AKAP3: variants seen among roughly 807,000 people sequenced by gnomAD.
AKAP3 encodes the protein A-kinase anchor protein 3.
Under a neutral mutation model 57.2 loss-of-function variants are expected in AKAP3, and 27 were observed. That is an observed-to-expected ratio of 0.47 (90% CI 0.35 to 0.65). The LOEUF (loss-of-function observed/expected upper bound fraction) is 0.65, where lower values mean the gene tolerates loss of function less well. Among genes scored for constraint, AKAP3 ranks in the 30% least tolerant of loss-of-function variants. The pLI is 0.01. For missense variants in AKAP3, 959 were observed against 1,040.0 expected (o/e 0.92, Z 1.07); for synonymous variants, 334 against 392.3 (o/e 0.85, Z 1.76).
rs911712466 is a variant in AKAP3 at position 4,628,591 on chromosome 12, T to C, written c.311A>G (p.Lys104Arg). The C allele has an allele frequency of 1.2e-6, 2 of 1,614,230 alleles. No individual in the cohort carries two copies. The highest frequency in any genetic ancestry group is 1.3e-5 in the African/African-American group (1 of 75,070). Residue 104 changes from lysine to arginine, a missense_variant, in exon 5 of 6, where the codon AAA becomes AGA. By Grantham distance (26) the Lys-to-Arg change is conservative. Coordinates refer to ENST00000228850, the MANE Select transcript of AKAP3 (RefSeq NM_001278309.2). ...CCTGGGGCCCTGGCAAGGAATCTCT[T>C]TGTGAGTCATCTCAAAATGCAATCT... is the stretch of plus-strand genomic sequence containing the variant. ...PERLHFEMTH[K>R]EIPCQGPRAQ...
rs3083727 is a variant in AKAP3 at position 4,617,751 on chromosome 12, C to CAAAA, written c.2407-1861_2407-1858dup. Among the ~76,000 whole-genome samples the CAAAA allele has an allele frequency of 2.2e-3, 260 of 118,412 alleles. 2 individuals carry two copies. The highest frequency in any genetic ancestry group is 5.8e-3 in the Admixed American group (66 of 11,424). 77.7% of individuals were successfully genotyped at this position (118,412 alleles called of 152,430 possible). ...TGAGCAACAGAGTGAGATTCTGTCTCAAAAAAAAAAAAAAAAAGTGTTTTA... is the reference window on the plus strand; with the variant it reads ...TGAGCAACAGAGTGAGATTCTGTCTCAAAAAAAAAAAAAAAAAAAAAGTGTTTTA... On this transcript the variant is annotated intron_variant, in intron 5 of 5. Coordinates refer to ENST00000228850, the MANE Select transcript of AKAP3 (RefSeq NM_001278309.2).
In AKAP3 at chr12:4,626,706, A is replaced by C; in HGVS notation, c.2196T>G (p.Asn732Lys). 2 of 1,614,004 alleles carry C rather than the reference A, an allele frequency of 1.2e-6. No individual in the cohort carries two copies. The highest frequency in any genetic ancestry group is 1.7e-6 in the Non-Finnish European group (2 of 1,180,014). Residue 732 changes from asparagine to lysine, a missense_variant, in exon 5 of 6, where the codon AAT (asparagine) becomes AAG (lysine). By Grantham distance (94) the Asn-to-Lys change is moderately conservative. Coordinates refer to ENST00000228850, the MANE Select transcript of AKAP3 (RefSeq NM_001278309.2). ...GTGSAEAVLQNAYQAIHNEMR... is the reference protein window; with the variant it reads ...GTGSAEAVLQKAYQAIHNEMR... The stretch of plus-strand genomic sequence containing the variant: ...TTTCATTATGGATAGCTTGATAGGC[A>C]TTCTGCAGGACAGCTTCTGCTGACC...
In AKAP3 at chr12:4,626,865, C is replaced by T; in HGVS notation, c.2037G>A (p.Lys679=). 1 of 1,611,644 alleles carries T rather than the reference C, an allele frequency of 6.2e-7. No homozygotes were observed. Among genetic ancestry groups the T allele is most frequent in the Non-Finnish European group, 8.5e-7 (1 of 1,179,538 alleles). ...MVEHLMNSVM[K]LCVIIAKSCD... ...AGGACTTAGCAATGATGACACACAGCTTCATCACTGAGTTCATCAGATGTT... is the reference window on the plus strand; with the variant it reads ...AGGACTTAGCAATGATGACACACAGTTTCATCACTGAGTTCATCAGATGTT... Residue 679 remains lysine, a synonymous_variant, in exon 5 of 6, where the codon AAG becomes AAA. Transcript: ENST00000228850.
chr12:4,621,848 T>C (rs1319051464), intron 5 of AKAP3, among the ~76,000 whole-genome samples: 1 of 152,032 alleles, frequency 6.6e-6, no homozygotes, highest in South Asian at 2.1e-4. Flanking sequence ...AAAAGAAAAA[T>C]GTCTCATATT....
intron 4 of AKAP3, among the ~76,000 whole-genome samples, chr12:4,631,949 G>C (rs968129390): frequency 6.6e-6 from 1 of 152,114 alleles, no homozygotes; most frequent in African/African-American, 2.4e-5. Flanking sequence ...TCTATTTAAT[G>C]TTTAAGATTA....
intron 1 of AKAP3, chr12:4,645,929 AAAG>A (rs1945693157): frequency 6.6e-6 from 1 of 152,204 alleles, no homozygotes. Context: ...ATGAGAAATA[AAAG>A]AATTGAGGGT....
At position 4,625,973 on chromosome 12, in the gene AKAP3, T is replaced by C. The variant is rs1217635740; in HGVS notation, c.2406+523A>G. ...CTACCTTATGCTTTAGTCTTACTTGTCAACTGATTCAGAGCTTAGGGTAGG... is the reference window on the plus strand; with the variant it reads ...CTACCTTATGCTTTAGTCTTACTTGCCAACTGATTCAGAGCTTAGGGTAGG... On this transcript the variant is annotated intron_variant, in intron 5 of 5. Transcript: ENST00000228850. The surrounding 1 kb of genome is among the most constrained non-coding windows in gnomAD (Gnocchi z 5.4). 2.0e-5 allele frequency among the ~76,000 whole-genome samples: 3 copies of C among 152,138 alleles called. No individual in the cohort carries two copies. The highest frequency in any genetic ancestry group is 4.4e-5 in the Non-Finnish European group (3 of 68,034).
intron 4 of AKAP3, among the ~76,000 whole-genome samples, chr12:4,630,812 T>G (rs1445428344): frequency 6.6e-6 from 1 of 152,234 alleles, no homozygotes; most frequent in Non-Finnish European, 1.5e-5. Flanking sequence ...AAGGTCAGTT[T>G]GCCTCCAATG....
intron 5 of AKAP3, among the ~76,000 whole-genome samples, chr12:4,620,443 C>T (rs1945332758): frequency 7.3e-6 from 1 of 137,094 alleles, no homozygotes; most frequent in East Asian, 2.1e-4. Context: ...TGCCACTACA[C>T]TCCAGCCTGG....
At chr12:4,621,904 CAAA>C (rs1307072905) in intron 5 of AKAP3, among the ~76,000 whole-genome samples, 1 of 151,968 alleles carries the variant, frequency 6.6e-6, no homozygotes, top group Non-Finnish European at 1.5e-5. Flanking sequence ...ACAACAACAA[CAAA>C]ACACCAATCA....
chr12:4,629,049 T>A (rs891126606), intron 4 of AKAP3, among the ~76,000 whole-genome samples: 2 of 152,248 alleles, frequency 1.3e-5, no homozygotes, highest in African/African-American at 4.8e-5. Flanking sequence ...ATTATCTTCT[T>A]TTTACAGAGG....
In AKAP3 at chr12:4,638,101, C is replaced by T; in HGVS notation, c.96G>A (p.Met32Ile). ...PGDNQAQDWK[M>I]DTSTDPVRVL... ...TGTTTATCAAGAGGTTGACCCTTAC[C>T]ATTTTCCAGTCCTGGGCTTGGTTGT... Residue 32 changes from methionine to isoleucine, a missense_variant and splice_region_variant, in exon 4 of 6, where the codon ATG becomes ATA. Physicochemically the swap from Met to Ile is conservative, Grantham distance 10. Transcript: ENST00000228850. The T allele has an allele frequency of 1.2e-6, 2 of 1,609,590 alleles. No individual in the cohort carries two copies. Among genetic ancestry groups the T allele is most frequent in the South Asian group, 1.1e-5 (1 of 91,006 alleles).
In AKAP3 at chr12:4,635,622, A is replaced by G. The variant is rs950522974; in HGVS notation, c.96+2479T>C. 3.0e-5 allele frequency: 23 copies of G among 769,814 alleles called. No individual in the cohort carries two copies. In the Middle Eastern group the frequency reaches 7.3e-4, roughly 24 times the overall value. 47.7% of individuals were successfully genotyped at this position (769,814 alleles called of 1,614,324 possible). Reference sequence around the variant, plus strand: ...GATAAAGCTATTACAATATCAGGACATGCTTGCCTCTGAAGTTCTTTAACC... The same window carrying G: ...GATAAAGCTATTACAATATCAGGACGTGCTTGCCTCTGAAGTTCTTTAACC... On this transcript the variant is annotated intron_variant, in intron 4 of 5. Transcript: ENST00000228850.
At chr12:4,646,918 G>A (rs1267954481) in intron 1 of AKAP3, among the ~76,000 whole-genome samples, 1 of 151,974 alleles carries the variant, frequency 6.6e-6, no homozygotes, top group Non-Finnish European at 1.5e-5. Context: ...GAGTAACTGG[G>A]ATTACAGGTG....
intron 1 of AKAP3, 139 bp from the exon 2 acceptor site, chr12:4,645,331 G>A (rs555922425): frequency 1.3e-5 from 2 of 152,342 alleles, no homozygotes; most frequent in South Asian, 4.1e-4. Flanking sequence ...GTTTAGTTTA[G>A]AAGGACTGGG....
chr12:4,627,970 G>A lies in AKAP3; in HGVS notation c.932C>T (p.Thr311Ile). The A allele has an allele frequency of 1.2e-6, 2 of 1,614,016 alleles. No individual in the cohort carries two copies. The highest frequency in any genetic ancestry group is 1.7e-6 in the Non-Finnish European group (2 of 1,179,972). Reference protein sequence around the residue: ...MKTLKIQVKDTTIATILLKKV... With the variant: ...MKTLKIQVKDITIATILLKKV... ...CTTCAGTAGGATGGTGGCAATGGTT[G>A]TGTCTTTCACTTGGATCTTCAGTGT... The change falls in exon 5 of 6, where the codon ACA (threonine) becomes ATA (isoleucine). Residue 311 changes from threonine (T) to isoleucine (I), a missense_variant. Transcript: ENST00000228850.
intron 4 of AKAP3, among the ~76,000 whole-genome samples, chr12:4,635,042 G>A (rs772187130): frequency 2.6e-5 from 4 of 152,148 alleles, no homozygotes; most frequent in Admixed American, 6.5e-5. Flanking sequence ...GGTTAACTGT[G>A]TGGGTCCAGA....
In AKAP3 at chr12:4,645,084, A is replaced by C. The variant is rs536668926; in HGVS notation, c.-136T>G. 1.3e-5 allele frequency: 2 copies of C among 152,232 alleles called. No homozygotes were observed. Among genetic ancestry groups the C allele is most frequent in the African/African-American group, 4.8e-5 (2 of 41,454 alleles). The allele number at this position is 152,232 out of a possible 1,614,324, so 9.4% of individuals were successfully genotyped here. On this transcript the variant is annotated 5_prime_UTR_variant, in exon 2 of 6. Coordinates refer to ENST00000228850, the MANE Select transcript of AKAP3 (RefSeq NM_001278309.2). The stretch of plus-strand genomic sequence containing the variant: ...GTAGTACTGGAATAGTGAACCACGG[A>C]AGACTCCAGAATATACTTTTAAAGT...
chr12:4,637,492 T>C (rs573243751), intron 4 of AKAP3, among the ~76,000 whole-genome samples: 4 of 152,330 alleles, frequency 2.6e-5, no homozygotes, highest in South Asian at 4.1e-4. Flanking sequence ...TTGTTATTTC[T>C]GGGATTCCTA....
Sources: gnomAD v4.1 joint callset for allele counts (sites outside exome capture counted in the v4.1 genomes callset) on GRCh38, gnomAD v4.1.1 for gene constraint, Gnocchi (gnomAD v3.1) non-coding constraint, MANE v1.5 for transcripts, NCBI Gene and HGNC (gene_info 2026-07-23, HGNC 2026-07-21) for gene names.